The following ESYT3 variants were observed in gnomAD, a reference collection of about 807,000 sequenced individuals.
The protein encoded by ESYT3 is extended synaptotagmin 3.
Under a neutral mutation model 111.5 loss-of-function variants are expected in ESYT3, and 101 were observed. That is an observed-to-expected ratio of 0.91 (90% CI 0.77 to 1.07). The LOEUF (loss-of-function observed/expected upper bound fraction) is 1.07. Among genes scored for constraint, ESYT3 ranks in the 50% least tolerant of loss-of-function variants. The probability of loss-of-function intolerance (pLI) is 0.00; values close to 1 mark genes in which losing one functional copy is unlikely to be tolerated. For synonymous variants in ESYT3, 416 were observed against 446.8 expected (o/e 0.93, Z 0.87); for missense variants, 1,097 against 1,109.4 (o/e 0.99, Z 0.16).
At chr3:138,447,554 A>G (rs2031625548) in intron 1 of ESYT3, among the ~76,000 whole-genome samples, 1 of 152,230 alleles carries the variant, frequency 6.6e-6, no homozygotes, top group African/African-American at 2.4e-5. Context: ...AAAATAAATG[A>G]TATTCCCCAA....
intron 1 of ESYT3, among the ~76,000 whole-genome samples, chr3:138,447,510 A>G (rs1576427786): frequency 1.3e-5 from 2 of 152,226 alleles, no homozygotes; most frequent in East Asian, 3.8e-4. Flanking sequence ...AGGATTTTAT[A>G]CCTTTGAATT....
At position 138,459,247 on chromosome 3, in the gene ESYT3, G is replaced by C. The variant is rs987728046; in HGVS notation, c.642G>C (p.Gly214=). 4 of 1,557,688 alleles carry C rather than the reference G, an allele frequency of 2.6e-6. 1 individual carries two copies. In the Admixed American group the frequency reaches 6.9e-5, roughly 27 times the overall value. The stretch of plus-strand genomic sequence containing the variant: ...AGAAGATTCAGGCTGGTGTGAACGG[G>C]ATCCAGGTGGGTGGAGCCCGGTGGG... The part of the protein sequence containing the change: ...ELQKIQAGVN[G]IQLQGTLRVI... Residue 214 remains glycine (G), a synonymous_variant, in exon 5 of 23, where the codon GGG becomes GGC. Coordinates refer to ENST00000389567, the MANE Select transcript of ESYT3 (RefSeq NM_031913.5).
chr3:138,469,325 G>C, intron 14 of ESYT3, 111 bp from the exon 15 acceptor site: 2 of 895,226 alleles, frequency 2.2e-6, no homozygotes, highest in Admixed American at 2.0e-5. Flanking sequence ...TCAAAGAGAA[G>C]TAACTGGGTG....
chr3:138,439,836 G>A (rs2031007001), intron 1 of ESYT3, among the ~76,000 whole-genome samples: 1 of 152,188 alleles, frequency 6.6e-6, no homozygotes, highest in African/African-American at 2.4e-5. Flanking sequence ...GTCTATCTGT[G>A]GTTTCTAGCC....
rs200687042 is a variant in ESYT3 at position 138,472,671 on chromosome 3, G to A, written c.2049G>A (p.Lys683=). The change falls in exon 18 of 23, where the codon AAG becomes AAA. Residue 683 remains lysine (K), a synonymous_variant. Transcript: ENST00000389567. ...KRFCEPIGEK[K]SPATIFLTVP... ...TCTGTGAGCCCATCGGGGAGAAGAA[G>A]AGTCCAGCCACCATCTTCCTGACTG... The A allele has an allele frequency of 2.3e-5, 37 of 1,614,094 alleles. No homozygotes were observed. The highest frequency in any genetic ancestry group is 3.1e-5 in the Non-Finnish European group (36 of 1,180,050).
In ESYT3 at chr3:138,460,720, C is replaced by T. The variant is rs113300716; in HGVS notation, c.794+54C>T. 195 of 1,573,486 alleles carry T rather than the reference C, an allele frequency of 1.2e-4. 7 individuals carry two copies. The African/African-American group carries it at 1.8e-3, about 14-fold the overall frequency. The stretch of plus-strand genomic sequence containing the variant: ...ATCATAAGTTTGGGGGCCTCCAGGG[C>T]TCTGCAGCCAGTGACAGGAGCTGTG... On this transcript the variant is annotated intron_variant, in intron 7 of 22. Coordinates refer to ENST00000389567, the MANE Select transcript of ESYT3 (RefSeq NM_031913.5).
intron 2 of ESYT3, 87 bp from the exon 3 acceptor site, chr3:138,455,107 A>G: frequency 1.3e-6 from 2 of 1,516,924 alleles, no homozygotes; most frequent in East Asian, 4.5e-5. Flanking sequence ...ACCAGGCTGC[A>G]GAGAATCAGG....
At chr3:138,469,613 C>T (rs2033114926) in intron 15 of ESYT3, 109 bp downstream of exon 15, 3 of 797,862 alleles carry the variant, frequency 3.8e-6, no homozygotes, top group Admixed American at 4.5e-5. Context: ...GCCTAGTAGG[C>T]ACTTGATGTT....
Position 138,452,076 on chromosome 3 carries a change from A to G in ESYT3, c.356A>G (p.Glu119Gly), listed in dbSNP as rs765436007. ...CACTTCCCGGACGTGGAGCGGGTCG[A>G]GTGGGCCAACAAGGTAAGGCCGCTG... ...WIHFPDVERV[E>G]WANKIISQTW... The change falls in exon 2 of 23, where the codon GAG (glutamate) becomes GGG (glycine). Residue 119 changes from glutamate (E) to glycine (G), a missense_variant. By Grantham distance (98) the Glu-to-Gly change is moderately conservative (BLOSUM62 -2). Coordinates refer to ENST00000389567, the MANE Select transcript of ESYT3 (RefSeq NM_031913.5). 4.4e-6 allele frequency: 7 copies of G among 1,607,074 alleles called. No individual in the cohort carries two copies. Among genetic ancestry groups the G allele is most frequent in the Non-Finnish European group, 5.9e-6 (7 of 1,179,752 alleles).
intron 1 of ESYT3, among the ~76,000 whole-genome samples, chr3:138,446,885 A>G (rs1162451798): frequency 6.6e-6 from 1 of 151,946 alleles, no homozygotes; most frequent in Non-Finnish European, 1.5e-5. Flanking sequence ...ACAAACAAAC[A>G]ATAGTCAGGC....
intron 2 of ESYT3, among the ~76,000 whole-genome samples, chr3:138,453,036 T>A (rs146614638): frequency 0.02 from 2,985 of 152,182 alleles, 42 homozygotes; most frequent in Middle Eastern, 0.034. Flanking sequence ...TTGAGCAACA[T>A]AGCAAGACTC....
chr3:138,441,134 C>T (rs893034444), intron 1 of ESYT3, among the ~76,000 whole-genome samples: 3 of 152,188 alleles, frequency 2.0e-5, no homozygotes, highest in African/African-American at 4.8e-5. Flanking sequence ...GTTGGGGACT[C>T]GGCCCACAGT....
chr3:138,446,854 C>T (rs538252342), intron 1 of ESYT3, among the ~76,000 whole-genome samples: 8 of 152,196 alleles, frequency 5.3e-5, no homozygotes, highest in Admixed American at 1.3e-4. Context: ...GACCTAATCC[C>T]GTCTCTACCA....
chr3:138,458,682 T>G (rs985759533), intron 4 of ESYT3, among the ~76,000 whole-genome samples: 1 of 152,218 alleles, frequency 6.6e-6, no homozygotes, highest in African/African-American at 2.4e-5. Flanking sequence ...GGACTTGGGC[T>G]TCTGTGCTGA....
chr3:138,474,149 ACT>A (rs2033373432), intron 19 of ESYT3, 70 bp from the exon 20 acceptor site: 3 of 1,549,462 alleles, frequency 1.9e-6, no homozygotes, highest in African/African-American at 1.4e-5. Flanking sequence ...AAACACTGAA[ACT>A]CTCAAATGTT....
rs371044793 is a variant in ESYT3, at chr3:138,472,727, A to G, written c.2105A>G (p.Lys702Arg). The G allele has an allele frequency of 4.4e-5, 71 of 1,614,062 alleles. No individual in the cohort carries two copies. The highest frequency in any genetic ancestry group is 4.9e-5 in the Non-Finnish European group (58 of 1,180,042). ...VPGPHSPGPI[K>R]SPRPMKCPAS... ...GGTCCCCACTCTCCAGGGCCCATCA[A>G]GTCACCCAGACCCATGAAATGCCCT... Residue 702 changes from lysine to arginine, a missense_variant, in exon 18 of 23, where the codon AAG becomes AGG. Physicochemically the swap from Lys to Arg is conservative, Grantham distance 26 (BLOSUM62 2). Coordinates refer to ENST00000389567, the MANE Select transcript of ESYT3 (RefSeq NM_031913.5).
intron 20 of ESYT3, among the ~76,000 whole-genome samples, chr3:138,475,883 G>A (rs763055810): frequency 5.3e-5 from 8 of 152,292 alleles, no homozygotes; most frequent in Non-Finnish European, 1.2e-4. Context: ...CCAAGATCGC[G>A]CCATTGCACT....
At position 138,474,290 on chromosome 3, in the gene ESYT3, G is replaced by A. The variant is rs2033382429; in HGVS notation, c.2406G>A (p.Lys802=). ...GTGTCTACTTGTTGCCAGAAAGGAA[G>A]TGGGCATGTCGTAAGAAGACTTCAG... ...YVRVYLLPER[K]WACRKKTSVK... The change falls in exon 20 of 23, where the codon AAG becomes AAA. Residue 802 remains lysine (K), a synonymous_variant. Coordinates refer to ENST00000389567, the MANE Select transcript of ESYT3 (RefSeq NM_031913.5). 1.9e-6 allele frequency: 3 copies of A among 1,611,808 alleles called. No individual in the cohort carries two copies. Among genetic ancestry groups the A allele is most frequent in the Non-Finnish European group, 2.5e-6 (3 of 1,179,518 alleles).
chr3:138,465,175 C>T (rs534207888), intron 9 of ESYT3, among the ~76,000 whole-genome samples, 164 bp from the exon 10 acceptor site: 1 of 152,316 alleles, frequency 6.6e-6, no homozygotes, highest in East Asian at 1.9e-4. Context: ...ATCTTCTCTT[C>T]CCCCCGAAGG....
Sources: allele counts gnomAD v4.1 joint callset (sites outside exome capture counted in the v4.1 genomes callset), GRCh38; gene constraint gnomAD v4.1.1; transcripts MANE v1.5; gene names NCBI Gene and HGNC (gene_info 2026-07-23, HGNC 2026-07-21).